DLC1: variants seen among roughly 807,000 people sequenced by gnomAD.
DLC1 encodes the protein rho GTPase-activating protein 7.
DLC1 carries 54 observed loss-of-function variants against 140.3 expected under a neutral mutation model. The observed-to-expected ratio is 0.38, with a 90% CI of 0.31 to 0.48. The LOEUF is 0.48. Among genes scored for constraint, DLC1 ranks in the 20% least tolerant of loss-of-function variants. DLC1 has a pLI of 0.96. For missense variants in DLC1, 2,536 were observed against 1,907.0 expected (o/e 1.33, Z -6.14); for synonymous variants, 986 against 728.1 (o/e 1.35, Z -5.70).
intron 5 of DLC1, among the ~76,000 whole-genome samples, chr8:13,255,441 A>G (rs528676649): frequency 2.0e-5 from 3 of 152,216 alleles, no homozygotes; most frequent in Non-Finnish European, 2.9e-5. Flanking sequence ...GGCAGGGATA[A>G]GTCTTGCCCA....
chr8:13,238,879 A>C (rs923921112), intron 5 of DLC1, among the ~76,000 whole-genome samples: 6 of 152,180 alleles, frequency 3.9e-5, no homozygotes, highest in Non-Finnish European at 8.8e-5. Flanking sequence ...TCAGAAGCTG[A>C]GCAAGCATTT....
intron 1 of DLC1, among the ~76,000 whole-genome samples, chr8:13,588,421 AG>A (rs879668022): frequency 6.6e-6 from 1 of 152,062 alleles, no homozygotes; most frequent in Admixed American, 6.6e-5. Flanking sequence ...AGTAGTTGAG[AG>A]CCAGAGAAAG....
At chr8:13,197,594 C>T (rs1433701539) in intron 5 of DLC1, among the ~76,000 whole-genome samples, 1 of 152,028 alleles carries the variant, frequency 6.6e-6, no homozygotes, top group Non-Finnish European at 1.5e-5. Context: ...GATCCTCCTG[C>T]CTCGGCGTCC....
intron 2 of DLC1, among the ~76,000 whole-genome samples, chr8:13,484,862 G>C (rs962807151): frequency 5.3e-5 from 8 of 151,766 alleles, no homozygotes; most frequent in African/African-American, 1.9e-4. Flanking sequence ...TGTGCGCTAT[G>C]ACCAGCAAGC....
intron 5 of DLC1, among the ~76,000 whole-genome samples, chr8:13,188,044 G>A (rs2117009207): frequency 6.6e-6 from 1 of 151,052 alleles, no homozygotes; most frequent in South Asian, 2.1e-4. Flanking sequence ...CAGAATCCAG[G>A]ATATTTATTT....
chr8:13,112,816 G>A (rs1820231652), intron 6 of DLC1, among the ~76,000 whole-genome samples: 1 of 151,960 alleles, frequency 6.6e-6, no homozygotes, highest in African/African-American at 2.4e-5. Flanking sequence ...CAAAGTCCTG[G>A]GATTACAGGC....
rs60357765 is a variant in DLC1, at chr8:13,244,297, ATTT to A, written c.1348+60969_1348+60971del. Among the ~76,000 whole-genome samples the A allele has an allele frequency of 3.3e-3, 448 of 135,952 alleles. 2 individuals carry two copies. Among genetic ancestry groups the A allele is most frequent in the African/African-American group, 0.01 (371 of 36,602 alleles). The allele number at this position is 135,952 out of a possible 152,430, so 89.2% of individuals were successfully genotyped here. A position where few individuals can be genotyped will look rare whatever the true frequency, so the allele number is the denominator to read the frequency against. On this transcript the variant is annotated intron_variant, in intron 5 of 17. Transcript: ENST00000276297. ...GATTTTTCATGATCTTCCCTTTCCA[ATTT>A]TTTTTTTTTTTTTTTGAGACAGGAT... is the stretch of plus-strand genomic sequence containing the variant.
At chr8:13,249,268 G>T (rs1211748033) in intron 5 of DLC1, among the ~76,000 whole-genome samples, 2 of 152,000 alleles carry the variant, frequency 1.3e-5, no homozygotes, top group African/African-American at 4.8e-5. Flanking sequence ...TAGTAGAGAC[G>T]AGTTTCACCA....
intron 2 of DLC1, among the ~76,000 whole-genome samples, chr8:13,471,489 A>G (rs544220225): frequency 1.6e-5 from 2 of 124,100 alleles, no homozygotes; most frequent in South Asian, 3.1e-4. Context: ...GGAAGGAAGG[A>G]AGGGAGGCAG....
chr8:13,269,765 T>G (rs1406187747), intron 5 of DLC1, among the ~76,000 whole-genome samples: 2 of 138,918 alleles, frequency 1.4e-5, no homozygotes, highest in Admixed American at 7.0e-5. Context: ...GAATAAGAAA[T>G]TTAAAAACAT....
chr8:13,487,471 C>G (rs952174494), intron 2 of DLC1, among the ~76,000 whole-genome samples: 8 of 152,070 alleles, frequency 5.3e-5, no homozygotes, highest in Non-Finnish European at 1.0e-4. Context: ...CTAATCTTTC[C>G]CACTCCAAGT....
chr8:13,349,563 G>T (rs1258845546), intron 4 of DLC1, among the ~76,000 whole-genome samples: 1 of 152,186 alleles, frequency 6.6e-6, no homozygotes, highest in Admixed American at 6.5e-5. Flanking sequence ...ACACGTTTTA[G>T]AGTGTTCCCT....
intron 5 of DLC1, among the ~76,000 whole-genome samples, chr8:13,152,825 A>AAAAAAAG: frequency 1.9e-4 from 1 of 5,206 alleles, no homozygotes; most frequent in Non-Finnish European, 6.3e-4. Flanking sequence ...TCTGGGGAAG[A>AAAAAAAG]AAAAAAAAAA....
chr8:13,206,999 C>G (rs181729999), intron 5 of DLC1, among the ~76,000 whole-genome samples: 2 of 152,000 alleles, frequency 1.3e-5, no homozygotes, highest in African/African-American at 4.8e-5. Flanking sequence ...GTCACTTAAA[C>G]AATGAGTGAG....
At chr8:13,408,946 C>G (rs894197921) in intron 2 of DLC1, among the ~76,000 whole-genome samples, 5 of 152,044 alleles carry the variant, frequency 3.3e-5, no homozygotes, top group African/African-American at 4.8e-5. Flanking sequence ...ATGATCCTTC[C>G]TTTGCCATGA....
At chr8:13,505,135 ATATAAT>A (rs1422750800) in intron 1 of DLC1, among the ~76,000 whole-genome samples, 1 of 152,212 alleles carries the variant, frequency 6.6e-6, no homozygotes, top group African/African-American at 2.4e-5. Flanking sequence ...AAGAAGGAAA[ATATAAT>A]TATAGTATAC....
intron 4 of DLC1, among the ~76,000 whole-genome samples, chr8:13,318,144 C>T (rs1204492071): frequency 6.6e-6 from 1 of 151,976 alleles, no homozygotes; most frequent in Non-Finnish European, 1.5e-5. Context: ...CCTCTTGCCT[C>T]AGTCTCCTGA....
chr8:13,396,947 C>A (rs937683407), intron 3 of DLC1, among the ~76,000 whole-genome samples: 4 of 152,044 alleles, frequency 2.6e-5, no homozygotes, highest in Admixed American at 1.3e-4. Flanking sequence ...CCCGCCCCCC[C>A]CAACCCAACT....
intron 5 of DLC1, among the ~76,000 whole-genome samples, chr8:13,132,130 C>T (rs765819629): frequency 3.5e-4 from 53 of 151,874 alleles, no homozygotes; most frequent in Middle Eastern, 6.8e-3. Flanking sequence ...TTGTCCGGGT[C>T]AAGGGGGTGG....
Sources: gnomAD v4.1 joint callset for allele counts (sites outside exome capture counted in the v4.1 genomes callset) on GRCh38, gnomAD v4.1.1 for gene constraint, MANE v1.5 for transcripts, NCBI Gene and HGNC (gene_info 2026-07-23, HGNC 2026-07-21) for gene names.